Variants in TBC1D5 observed in about 807,000 individuals in gnomAD.
TBC1D5 encodes the protein TBC1 domain family member 5.
Under a neutral mutation model 100.3 loss-of-function variants are expected in TBC1D5, and 75 were observed. That is an observed-to-expected ratio of 0.75 (90% confidence interval 0.62 to 0.91). The LOEUF (loss-of-function observed/expected upper bound fraction) is 0.91. TBC1D5 is among the 40% of genes least tolerant of loss of function. The pLI is 0.00. For synonymous variants in TBC1D5, 323 were observed against 325.6 expected (o/e 0.99, Z 0.09); for missense variants, 910 against 942.4 (o/e 0.97, Z 0.45).
At chr3:17,412,653 T>C (rs1427487041) in intron 4 of TBC1D5, among the ~76,000 whole-genome samples, 1 of 152,108 alleles carries the variant, frequency 6.6e-6, no homozygotes, top group Non-Finnish European at 1.5e-5. Flanking sequence ...AATCTGACAA[T>C]AATGCCATCG....
chr3:17,461,336 G>T (rs1188603245), intron 3 of TBC1D5, among the ~76,000 whole-genome samples: 1 of 152,150 alleles, frequency 6.6e-6, no homozygotes, highest in Non-Finnish European at 1.5e-5. Context: ...TTGTTAATGT[G>T]TTCTTATGTA....
intron 1 of TBC1D5, among the ~76,000 whole-genome samples, chr3:17,657,127 C>CA (rs933319836): frequency 9.9e-5 from 15 of 151,380 alleles, no homozygotes; most frequent in Admixed American, 4.0e-4. Context: ...ATTCCACCAC[C>CA]AAAAAAAACA....
chr3:17,248,943 T>C (rs1325893060), intron 16 of TBC1D5, among the ~76,000 whole-genome samples: 2 of 152,196 alleles, frequency 1.3e-5, no homozygotes, highest in East Asian at 3.9e-4. Flanking sequence ...TGCTTCACCT[T>C]GCACTTTAAT....
chr3:17,567,419 T>A (rs1159181901), intron 2 of TBC1D5, among the ~76,000 whole-genome samples: 2 of 151,800 alleles, frequency 1.3e-5, no homozygotes, highest in African/African-American at 4.8e-5. Flanking sequence ...AGATATGATA[T>A]ATAATTAATA....
exon 1 of TBC1D5, chr3:17,740,057 G>C (rs1472278028): frequency 6.6e-6 from 1 of 151,960 alleles, no homozygotes; most frequent in Non-Finnish European, 1.5e-5. Flanking sequence ...GCTCACACCT[G>C]TAATTCCAGC....
Position 17,583,956 on chromosome 3 carries a change from AT to A in TBC1D5, c.-36+39892del, listed in dbSNP as rs2096716904. On this transcript the variant is annotated intron_variant, in intron 2 of 21. Transcript: ENST00000253692. ...TAACCAAAAAGTAGAAGCAAACAAAATGTGTATGAACGAATAAATGGATAAA... is the reference window on the plus strand; with the variant it reads ...TAACCAAAAAGTAGAAGCAAACAAAAGTGTATGAACGAATAAATGGATAAA... 2.0e-5 allele frequency among the ~76,000 whole-genome samples: 3 copies of A among 152,234 alleles called. No homozygotes were observed. The South Asian group carries it at 6.2e-4, about 32-fold the overall frequency.
At chr3:17,321,101 T>A (rs115223706) in intron 13 of TBC1D5, among the ~76,000 whole-genome samples, 168 of 152,368 alleles carry the variant, frequency 1.1e-3, no homozygotes, top group African/African-American at 3.9e-3. Context: ...AAGGTCTCAC[T>A]CTGTTGTCCA....
chr3:17,400,198 G>A (rs551989173), intron 8 of TBC1D5, among the ~76,000 whole-genome samples: 3 of 152,006 alleles, frequency 2.0e-5, no homozygotes, highest in East Asian at 3.9e-4. Flanking sequence ...GGAACATAGC[G>A]ATGCTCCATA....
chr3:17,584,213 A>G (rs1276349443), intron 2 of TBC1D5, among the ~76,000 whole-genome samples: 2 of 152,218 alleles, frequency 1.3e-5, no homozygotes, highest in African/African-American at 4.8e-5. Flanking sequence ...AAACTGCTAA[A>G]TGGGTAAGGT....
chr3:17,238,843 G>A (rs1237831531), intron 16 of TBC1D5, among the ~76,000 whole-genome samples: 1 of 152,094 alleles, frequency 6.6e-6, no homozygotes, highest in Non-Finnish European at 1.5e-5. Flanking sequence ...CACAGAAGGG[G>A]GCATCTATGA....
chr3:17,661,504 CT>C (rs34017083), intron 1 of TBC1D5, among the ~76,000 whole-genome samples: 69,725 of 133,126 alleles, frequency 0.52, 17,817 homozygotes, highest in East Asian at 0.93. Context: ...TCATTAGCAT[CT>C]TTTTTTTTTT....
intron 1 of TBC1D5, among the ~76,000 whole-genome samples, chr3:17,640,597 C>T (rs1426944476): frequency 6.6e-6 from 1 of 151,870 alleles, no homozygotes; most frequent in East Asian, 1.9e-4. Flanking sequence ...CTAATTTAGT[C>T]ATTATACCTT....
chr3:17,349,692 T>C (rs1020949553), intron 13 of TBC1D5, among the ~76,000 whole-genome samples: 3 of 152,208 alleles, frequency 2.0e-5, no homozygotes, highest in African/African-American at 7.2e-5. Flanking sequence ...ATGAAAATTA[T>C]TGTTTTGTCC....
chr3:17,563,794 T>G (rs1407455165), intron 2 of TBC1D5, among the ~76,000 whole-genome samples: 1 of 152,138 alleles, frequency 6.6e-6, no homozygotes, highest in Non-Finnish European at 1.5e-5. Context: ...TTTTTTTGGT[T>G]TTTTTTGAGA....
chr3:17,236,185 G>C (rs1041951686), intron 17 of TBC1D5, among the ~76,000 whole-genome samples: 5 of 151,992 alleles, frequency 3.3e-5, no homozygotes, highest in African/African-American at 1.2e-4. Flanking sequence ...CTAGTCATTT[G>C]GCTTAGTTCC....
At chr3:17,274,031 A>C (rs1382372882) in intron 15 of TBC1D5, among the ~76,000 whole-genome samples, 2 of 150,708 alleles carry the variant, frequency 1.3e-5, no homozygotes, top group African/African-American at 4.9e-5. Flanking sequence ...AAAAAAAAGA[A>C]GGAAGAAAGG....
At chr3:17,704,533 G>A (rs1295649133) in intron 1 of TBC1D5, among the ~76,000 whole-genome samples, 2 of 90,118 alleles carry the variant, frequency 2.2e-5, no homozygotes, top group African/African-American at 3.9e-5. Flanking sequence ...CGGACGGGGC[G>A]GCTGGCCGGG....
intron 13 of TBC1D5, among the ~76,000 whole-genome samples, chr3:17,370,514 T>C (rs545417182): frequency 5.8e-4 from 89 of 152,206 alleles, no homozygotes; most frequent in Non-Finnish European, 1.1e-3. Context: ...ATAACCTGCA[T>C]TGCTGCCCAA....
chr3:17,510,996 C>T (rs2095898424), intron 2 of TBC1D5, among the ~76,000 whole-genome samples: 1 of 151,792 alleles, frequency 6.6e-6, no homozygotes, highest in Non-Finnish European at 1.5e-5. Context: ...ATTAATTTGG[C>T]TCTAAATAAG....
Sources: gnomAD v4.1 joint callset for allele counts (sites outside exome capture counted in the v4.1 genomes callset) on GRCh38, gnomAD v4.1.1 for gene constraint, MANE v1.5 for transcripts, NCBI Gene and HGNC (gene_info 2026-07-23, HGNC 2026-07-21) for gene names.